Variants in DOCK5 observed in about 807,000 individuals in gnomAD.
DOCK5 encodes the protein dedicator of cytokinesis 5.
DOCK5 carries 142 observed loss-of-function variants against 251.8 expected under a neutral mutation model. The observed-to-expected ratio is 0.56, with a 90% CI of 0.49 to 0.65. The LOEUF is 0.65. DOCK5 is among the 30% of genes least tolerant of loss of function. The pLI is 0.00. For missense variants in DOCK5, 2,111 were observed against 2,312.3 expected, an observed-to-expected ratio of 0.91 and a Z score of 1.79; for synonymous variants, 842 against 835.5, an observed-to-expected ratio of 1.01 and a Z score of -0.13.
intron 1 of DOCK5, 63 bp downstream of exon 1, chr8:25,185,014 C>T: frequency 7.8e-7 from 1 of 1,288,990 alleles, no homozygotes; most frequent in Non-Finnish European, 9.9e-7. Flanking sequence ...GACAGCGGCC[C>T]TGCCAGGTTT....
intron 1 of DOCK5, among the ~76,000 whole-genome samples, chr8:25,221,091 C>T (rs569894263): frequency 6.6e-6 from 1 of 152,258 alleles, no homozygotes; most frequent in South Asian, 2.1e-4. Flanking sequence ...ACCTATATCA[C>T]TTTATTTCTA....
intron 1 of DOCK5, among the ~76,000 whole-genome samples, chr8:25,205,152 C>T (rs1490834275): frequency 6.6e-6 from 1 of 152,138 alleles, no homozygotes; most frequent in African/African-American, 2.4e-5. Flanking sequence ...CCCACCTCAG[C>T]CTCCCAAAAT....
chr8:25,384,562 C>T (rs929161319), intron 40 of DOCK5, among the ~76,000 whole-genome samples: 11 of 150,550 alleles, frequency 7.3e-5, no homozygotes, highest in South Asian at 6.3e-4. Context: ...TGGGTTGAAG[C>T]GATTCTCGTG....
intron 9 of DOCK5, among the ~76,000 whole-genome samples, chr8:25,301,814 C>T (rs1804772533): frequency 6.6e-6 from 1 of 152,176 alleles, no homozygotes. Flanking sequence ...CAATAGAGAC[C>T]TCTCATAAAT....
At chr8:25,262,788 A>G (rs1803628829) in intron 2 of DOCK5, among the ~76,000 whole-genome samples, 2 of 151,866 alleles carry the variant, frequency 1.3e-5, no homozygotes, top group African/African-American at 4.8e-5. Context: ...GCAGATACCC[A>G]TTAATCCCTC....
intron 16 of DOCK5, among the ~76,000 whole-genome samples, chr8:25,322,457 A>C (rs1376357879): frequency 1.3e-5 from 2 of 152,212 alleles, no homozygotes; most frequent in African/African-American, 4.8e-5. Flanking sequence ...GTATGGCTAA[A>C]GCAGGACCAG....
chr8:25,245,150 G>A (rs913348135), intron 2 of DOCK5, among the ~76,000 whole-genome samples: 19 of 152,116 alleles, frequency 1.2e-4, no homozygotes, highest in Non-Finnish European at 4.4e-5. Flanking sequence ...TCCACCTTCC[G>A]GGTTCATGCC....
At chr8:25,313,531 G>C (rs1805155144) in intron 13 of DOCK5, among the ~76,000 whole-genome samples, 1 of 152,140 alleles carries the variant, frequency 6.6e-6, no homozygotes, top group Non-Finnish European at 1.5e-5. Context: ...TCTAAATGTT[G>C]AAGTTCCTTG....
At chr8:25,218,637 T>C (rs987765233) in intron 1 of DOCK5, among the ~76,000 whole-genome samples, 1 of 152,186 alleles carries the variant, frequency 6.6e-6, no homozygotes, top group African/African-American at 2.4e-5. Context: ...CAATGGACAA[T>C]GCAGGAGAAG....
chr8:25,344,793 G>T (rs1328989101), intron 25 of DOCK5, among the ~76,000 whole-genome samples: 2 of 152,202 alleles, frequency 1.3e-5, no homozygotes, highest in African/African-American at 4.8e-5. Flanking sequence ...TACAGAAAAG[G>T]TAATTGAGAT....
At chr8:25,344,753 T>G (rs1030875569) in intron 25 of DOCK5, among the ~76,000 whole-genome samples, 2 of 152,238 alleles carry the variant, frequency 1.3e-5, no homozygotes. Context: ...TTACTAAACA[T>G]TTTAATATGC....
At chr8:25,206,737 C>T (rs563227632) in intron 1 of DOCK5, among the ~76,000 whole-genome samples, 3 of 152,290 alleles carry the variant, frequency 2.0e-5, no homozygotes, top group Non-Finnish European at 1.5e-5. Context: ...TATGGTTTGA[C>T]GCAAAGAAGT....
chr8:25,222,157 T>A (rs748297610), intron 1 of DOCK5, among the ~76,000 whole-genome samples: 1 of 152,220 alleles, frequency 6.6e-6, no homozygotes, highest in African/African-American at 2.4e-5. Flanking sequence ...TGCACTGTTA[T>A]TAGATAGAAC....
At chr8:25,185,014 C>G in intron 1 of DOCK5, 63 bp downstream of exon 1, 1 of 1,288,992 alleles carries the variant, frequency 7.8e-7, no homozygotes, top group Non-Finnish European at 9.9e-7. Context: ...GACAGCGGCC[C>G]TGCCAGGTTT....
intron 1 of DOCK5, among the ~76,000 whole-genome samples, chr8:25,230,444 A>G (rs1802640798): frequency 6.6e-6 from 1 of 152,232 alleles, no homozygotes; most frequent in Non-Finnish European, 1.5e-5. Flanking sequence ...TTAACGTGCC[A>G]TCAATTATGT....
intron 30 of DOCK5, among the ~76,000 whole-genome samples, chr8:25,366,435 C>T (rs1379164619): frequency 6.6e-6 from 1 of 152,058 alleles, no homozygotes; most frequent in African/African-American, 2.4e-5. Context: ...TGCAGTGAGC[C>T]GAGATTGTAC....
chr8:25,262,129 A>G lies in DOCK5; in HGVS notation c.128-6716A>G, dbSNP rs560398493. 2.6e-5 allele frequency among the ~76,000 whole-genome samples: 4 copies of G among 152,328 alleles called. No individual in the cohort carries two copies. The South Asian group carries it at 8.3e-4, about 32-fold the overall frequency. On this transcript the variant is annotated intron_variant, in intron 2 of 51. Transcript: ENST00000276440. ...ACTGGAGTGAGGATGTGGCCAGGTCATAGGATAAGTGTACGTTTAACTTTA... is the reference window on the plus strand; with the variant it reads ...ACTGGAGTGAGGATGTGGCCAGGTCGTAGGATAAGTGTACGTTTAACTTTA...
chr8:25,253,356 C>A (rs1803325307), intron 2 of DOCK5, among the ~76,000 whole-genome samples: 1 of 148,140 alleles, frequency 6.8e-6, no homozygotes, highest in Non-Finnish European at 1.5e-5. Flanking sequence ...TTTTAGCATT[C>A]CACAGATTTT....
At chr8:25,338,200 C>G (rs1807295655) in intron 22 of DOCK5, among the ~76,000 whole-genome samples, 1 of 151,900 alleles carries the variant, frequency 6.6e-6, no homozygotes, top group African/African-American at 2.4e-5. Context: ...GTCACCATGC[C>G]CAGCTAATGT....
Sources: gnomAD v4.1 joint callset for allele counts (sites outside exome capture counted in the v4.1 genomes callset) on GRCh38, gnomAD v4.1.1 for gene constraint, MANE v1.5 for transcripts, NCBI Gene and HGNC (gene_info 2026-07-23, HGNC 2026-07-21) for gene names.